Variants in ARHGAP26 observed in about 807,000 individuals in gnomAD.
ARHGAP26 encodes the protein rho GTPase-activating protein 26.
In ARHGAP26, 38 loss-of-function variants were observed where a neutral mutation model predicts 104.8. The observed-to-expected ratio is 0.36, with a 90% CI of 0.28 to 0.48. ARHGAP26 has a LOEUF of 0.48. Ranked by LOEUF, ARHGAP26 falls within the 20% of genes least tolerant of loss-of-function variation. The pLI, the probability that ARHGAP26 is intolerant of heterozygous loss-of-function variation, is 0.99. For missense variants in ARHGAP26, 704 were observed against 947.9 expected (o/e 0.74, Z 3.38); for synonymous variants, 341 against 340.0 (o/e 1.00, Z -0.03).
At chr5:142,945,951 A>G (rs1258800593) in intron 11 of ARHGAP26, among the ~76,000 whole-genome samples, 1 of 152,184 alleles carries the variant, frequency 6.6e-6, no homozygotes, top group African/African-American at 2.4e-5. Flanking sequence ...TTAACCTGGA[A>G]CAGTTAGAGG....
intron 17 of ARHGAP26, among the ~76,000 whole-genome samples, chr5:143,094,485 G>T (rs145630322): frequency 6.6e-6 from 1 of 152,202 alleles, no homozygotes; most frequent in African/African-American, 2.4e-5. Flanking sequence ...AGAGGGGAAC[G>T]TAATCCCAGA....
intron 6 of ARHGAP26, among the ~76,000 whole-genome samples, chr5:142,894,554 T>G (rs1056602484): frequency 6.6e-6 from 1 of 152,180 alleles, no homozygotes; most frequent in African/African-American, 2.4e-5. Flanking sequence ...GCAATGGAGA[T>G]AGAGCGTCCA....
intron 20 of ARHGAP26, among the ~76,000 whole-genome samples, chr5:143,206,073 A>G (rs1199352177): frequency 6.6e-6 from 1 of 152,202 alleles, no homozygotes; most frequent in Non-Finnish European, 1.5e-5. Flanking sequence ...ATTGGGTCTC[A>G]TGTTTGAATT....
intron 17 of ARHGAP26, 106 bp downstream of exon 17, chr5:143,057,853 A>G (rs1156268120): frequency 2.1e-6 from 2 of 933,170 alleles, no homozygotes; most frequent in Non-Finnish European, 3.5e-6. Context: ...CCACTATTGC[A>G]TCAGGTATGC....
At chr5:143,131,012 C>T (rs3776293) in intron 18 of ARHGAP26, among the ~76,000 whole-genome samples, 16,979 of 152,212 alleles carry the variant, frequency 0.11, 1,108 homozygotes, top group East Asian at 0.2. Context: ...GGTCCTGGCT[C>T]ACAATGAGAC....
At chr5:142,853,344 C>T (rs1751856594) in intron 1 of ARHGAP26, among the ~76,000 whole-genome samples, 1 of 152,124 alleles carries the variant, frequency 6.6e-6, no homozygotes. Flanking sequence ...GCATGTGTCA[C>T]CACATCCAGC....
intron 11 of ARHGAP26, among the ~76,000 whole-genome samples, chr5:142,978,032 C>T (rs1773375714): frequency 6.6e-6 from 1 of 152,240 alleles, no homozygotes; most frequent in African/African-American, 2.4e-5. Flanking sequence ...GACTTATTTT[C>T]AGTGATCCGA....
At chr5:142,881,161 C>G (rs1378280501) in intron 4 of ARHGAP26, among the ~76,000 whole-genome samples, 1 of 152,238 alleles carries the variant, frequency 6.6e-6, no homozygotes, top group Non-Finnish European at 1.5e-5. Context: ...CTGTGCCTCC[C>G]CACTCTTGAA....
At chr5:142,820,263 T>G (rs1253027646) in intron 1 of ARHGAP26, among the ~76,000 whole-genome samples, 1 of 152,150 alleles carries the variant, frequency 6.6e-6, no homozygotes, top group Non-Finnish European at 1.5e-5. Context: ...CCCAACTTCT[T>G]AGGATTGTTG....
intron 11 of ARHGAP26, among the ~76,000 whole-genome samples, chr5:142,980,479 C>T (rs1442157113): frequency 6.6e-6 from 1 of 151,680 alleles, no homozygotes; most frequent in Non-Finnish European, 1.5e-5. Flanking sequence ...ACCTCCGTTT[C>T]CTGGGTTTAA....
chr5:143,022,356 A>T lies in ARHGAP26; in HGVS notation c.1144+8240A>T, dbSNP rs187835825. Among the ~76,000 whole-genome samples, 259 of 152,352 alleles carry T rather than the reference A, an allele frequency of 1.7e-3. 2 individuals are homozygous for T. The South Asian group carries it at 0.021, about 12-fold the overall frequency. ...CCAAAGTGTTGGGATTACAGGCATG[A>T]GCCACTGCGCCTGGCCAATCCCCTG... On this transcript the variant is annotated intron_variant, in intron 12 of 22. Transcript: ENST00000645722.
chr5:143,115,638 G>C (rs182074438), intron 17 of ARHGAP26, among the ~76,000 whole-genome samples: 1 of 152,014 alleles, frequency 6.6e-6, no homozygotes, highest in Non-Finnish European at 1.5e-5. Flanking sequence ...GCACTACCTC[G>C]ACAGCCACCA....
chr5:142,858,094 T>TGTGTGTGTGAGAGA (rs1424264346), intron 1 of ARHGAP26, among the ~76,000 whole-genome samples: 7 of 127,254 alleles, frequency 5.5e-5, no homozygotes, highest in African/African-American at 1.5e-4. Context: ...TGTGTGTGTG[T>TGTGTGTGTGAGAGA]GAGAGAGAGA....
At chr5:142,791,840 T>G (rs77936057) in intron 1 of ARHGAP26, among the ~76,000 whole-genome samples, 4,058 of 150,266 alleles carry the variant, frequency 0.027, 181 homozygotes, top group African/African-American at 0.095. Context: ...GGCACGCGCC[T>G]GTAGTTCCAG....
chr5:142,931,923 C>G (rs1222073603), intron 10 of ARHGAP26, 124 bp from the exon 11 acceptor site: 2 of 868,936 alleles, frequency 2.3e-6, no homozygotes, highest in Non-Finnish European at 3.8e-6. Flanking sequence ...GAGTGTTTTG[C>G]CCCTCTTTGT....
At chr5:142,777,256 T>C (rs574368259) in intron 1 of ARHGAP26, among the ~76,000 whole-genome samples, 7 of 152,370 alleles carry the variant, frequency 4.6e-5, no homozygotes, top group African/African-American at 1.4e-4. Flanking sequence ...GAAGTGGTTC[T>C]TATGAGGCTG....
At chr5:143,187,767 A>G (rs1465647852) in intron 20 of ARHGAP26, among the ~76,000 whole-genome samples, 1 of 152,238 alleles carries the variant, frequency 6.6e-6, no homozygotes, top group Non-Finnish European at 1.5e-5. Flanking sequence ...GGGACGAGTC[A>G]GTGACAGGGG....
Position 142,984,522 on chromosome 5 carries a change from A to G in ARHGAP26, c.1108-29558A>G, listed in dbSNP as rs150970347. Among the ~76,000 whole-genome samples the G allele has an allele frequency of 3.3e-5, 5 of 152,358 alleles. No homozygotes were observed. In the East Asian group the frequency reaches 5.8e-4, roughly 18 times the overall value. ...GTATATAATTTGTAACATTTTGTAT[A>G]TAAGAAACAGATCTGTGCATTCATC... On this transcript the variant is annotated intron_variant, in intron 11 of 22. Transcript: ENST00000645722.
intron 12 of ARHGAP26, among the ~76,000 whole-genome samples, chr5:143,022,355 G>A (rs184919187): frequency 6.6e-6 from 1 of 152,236 alleles, no homozygotes; most frequent in East Asian, 1.9e-4. Flanking sequence ...TTACAGGCAT[G>A]AGCCACTGCG....
Sources: allele counts gnomAD v4.1 joint callset (sites outside exome capture counted in the v4.1 genomes callset), GRCh38; gene constraint gnomAD v4.1.1; transcripts MANE v1.5; gene names NCBI Gene and HGNC (gene_info 2026-07-23, HGNC 2026-07-21).